The following TRPC3 variants were observed in gnomAD, a reference collection of about 807,000 sequenced individuals.
TRPC3 encodes transient receptor potential cation channel subfamily C member 3, also known as short transient receptor potential channel 3.
A neutral mutation model predicts 90.9 loss-of-function variants in TRPC3; 54 were observed. That is an observed-to-expected ratio of 0.59 (90% confidence interval 0.48 to 0.75). The LOEUF (loss-of-function observed/expected upper bound fraction) is 0.75. TRPC3 is among the 30% of genes least tolerant of loss of function. The probability of loss-of-function intolerance (pLI) is 0.00; values close to 1 mark genes in which losing one functional copy is unlikely to be tolerated. For synonymous variants in TRPC3, 424 were observed against 450.9 expected (o/e 0.94, Z 0.75); for missense variants, 918 against 1,194.5 (o/e 0.77, Z 3.41).
At chr4:121,889,874 A>G (rs780003320) in intron 10 of TRPC3, among the ~76,000 whole-genome samples, 11 of 152,226 alleles carry the variant, frequency 7.2e-5, no homozygotes, top group African/African-American at 1.4e-4. Context: ...TCCCATGTTT[A>G]CTGCAGCACT....
chr4:121,932,177 C>T lies in TRPC3; in HGVS notation c.987+94G>A. On this transcript the variant is annotated intron_variant, in intron 2 of 11. Transcript: ENST00000379645. This position sits in a 1 kb window ranked among gnomAD's most constrained non-coding sequence, Gnocchi z 7.7. ...GTGATTTCACATTCACTGGGCAAAA[C>T]CGAATGTGGAGCGAACGGTGGCAGA... is the stretch of plus-strand genomic sequence containing the variant. 1 of 1,535,510 alleles carries T rather than the reference C, an allele frequency of 6.5e-7. No individual in the cohort carries two copies. The highest frequency in any genetic ancestry group is 2.3e-5 in the East Asian group (1 of 43,990).
intron 2 of TRPC3, among the ~76,000 whole-genome samples, chr4:121,929,600 C>G (rs779090300): frequency 6.6e-6 from 1 of 152,034 alleles, no homozygotes; most frequent in Non-Finnish European, 1.5e-5. Context: ...AACCTGTCAC[C>G]GAGCTATCCT....
In TRPC3 at chr4:121,951,916, G is replaced by A. The variant is rs1031745315; in HGVS notation, c.-236C>T. On this transcript the variant is annotated 5_prime_UTR_variant, in exon 1 of 12. Transcript: ENST00000379645. This position sits in a 1 kb window ranked among gnomAD's most constrained non-coding sequence, Gnocchi z 4.4. ...ATCAAACCGTGGGAGCAGCTGCCGC[G>A]GCCGTGGCTGCGACGAGGAAGCCCG... 7.2e-5 allele frequency among the ~76,000 whole-genome samples: 11 copies of A among 152,178 alleles called. No individual in the cohort carries two copies. The highest frequency in any genetic ancestry group is 2.6e-4 in the African/African-American group (11 of 41,542).
intron 10 of TRPC3, among the ~76,000 whole-genome samples, chr4:121,882,692 T>C (rs1727984868): frequency 6.6e-6 from 1 of 152,166 alleles, no homozygotes; most frequent in African/African-American, 2.4e-5. Flanking sequence ...CTTGAAGATT[T>C]GAATTCATGG....
intron 1 of TRPC3, among the ~76,000 whole-genome samples, chr4:121,935,262 C>A (rs1159326292): frequency 6.6e-6 from 1 of 151,476 alleles, no homozygotes; most frequent in Non-Finnish European, 1.5e-5. Context: ...TATTAGAAAC[C>A]ATTACATTAT....
At chr4:121,941,279 A>G (rs1472020150) in intron 1 of TRPC3, among the ~76,000 whole-genome samples, 3 of 152,208 alleles carry the variant, frequency 2.0e-5, no homozygotes, top group Non-Finnish European at 4.4e-5. Context: ...AGATTAACCA[A>G]CTATTCAACC....
chr4:121,933,255 G>T, intron 1 of TRPC3: 1 of 1,029,960 alleles, frequency 9.7e-7, no homozygotes. Context: ...GAAGCCGGCA[G>T]CCCTTCAGAA....
Position 121,903,129 on chromosome 4 carries a change from G to C in TRPC3, c.2254-68C>G, listed in dbSNP as rs1728761191. On this transcript the variant is annotated intron_variant, in intron 8 of 11. Transcript: ENST00000379645. ...AATATTCTAGTGACTGTTGCTAATA[G>C]GTTTTTTACAATGAATCTAAGTTAC... is the stretch of plus-strand genomic sequence containing the variant. 7 of 1,401,428 alleles carry C rather than the reference G, an allele frequency of 5.0e-6. No individual in the cohort carries two copies. In the East Asian group the frequency reaches 1.7e-4, roughly 34 times the overall value. 86.8% of individuals were successfully genotyped at this position (1,401,428 alleles called of 1,614,324 possible). A position where few individuals can be genotyped will look rare whatever the true frequency, so the allele number is the denominator to read the frequency against.
intron 1 of TRPC3, among the ~76,000 whole-genome samples, chr4:121,935,359 T>A (rs1401842784): frequency 6.6e-6 from 1 of 151,182 alleles, no homozygotes; most frequent in African/African-American, 2.4e-5. Context: ...GTAGAGTGTA[T>A]GTGTGGTATG....
Position 121,925,103 on chromosome 4 carries a change from A to G in TRPC3, c.1091T>C (p.Leu364Pro). Residue 364 changes from leucine to proline, a missense_variant, in exon 3 of 12, where the codon CTG (leucine) becomes CCG (proline). Leu to Pro is a moderately conservative substitution (Grantham distance 98). Coordinates refer to ENST00000379645, the MANE Select transcript of TRPC3 (RefSeq NM_001130698.2). The stretch of plus-strand genomic sequence containing the variant: ...TACCTCCAGAGGCTCTGCTGATTCC[A>G]GATCTCCATTCAGAATGGCTTCTAC... ...EEVEAILNGD[L>P]ESAEPLEVHR... 6.2e-7 allele frequency: 1 copy of G among 1,614,136 alleles called. No homozygotes were observed. The highest frequency in any genetic ancestry group is 1.3e-5 in the African/African-American group (1 of 75,026).
Position 121,877,903 on chromosome 4 carries a change from G to C in TRPC3, c.*1833C>G, listed in dbSNP as rs989552795. Among the ~76,000 whole-genome samples the C allele has an allele frequency of 4.6e-5, 7 of 151,694 alleles. No individual in the cohort carries two copies. The highest frequency in any genetic ancestry group is 7.3e-5 in the African/African-American group (3 of 41,230). ...AGGCTGAATGTCCCCAGCTGAATCTGCCACTTTTTCATTCAACATTTTTTC... is the reference window on the plus strand; with the variant it reads ...AGGCTGAATGTCCCCAGCTGAATCTCCCACTTTTTCATTCAACATTTTTTC... On this transcript the variant is annotated 3_prime_UTR_variant, in exon 12 of 12. Transcript: ENST00000379645.
rs1727795405 is a variant in TRPC3 at position 121,877,495 on chromosome 4, C to G, written c.*2241G>C. On this transcript the variant is annotated 3_prime_UTR_variant, in exon 12 of 12. Transcript: ENST00000379645. ...CGGAGGCATCACATCCCGAGCAAGG[C>G]TTCTTCTTTTTAGCTGAGGGCAATT... 6.6e-6 allele frequency among the ~76,000 whole-genome samples: 1 copy of G among 152,084 alleles called. No homozygotes were observed. The highest frequency in any genetic ancestry group is 2.4e-5 in the African/African-American group (1 of 41,406).
rs1730739257 is a variant in TRPC3 at position 121,951,370 on chromosome 4, C to G, written c.215+96G>C. ...GCCGTACCATGTGGGTCTCGGAGGT[C>G]CCGGGCTCGACGTGGAGCCGCCCGG... On this transcript the variant is annotated intron_variant, in intron 1 of 11. Transcript: ENST00000379645. This position sits in a 1 kb window ranked among gnomAD's most constrained non-coding sequence, Gnocchi z 4.4. 1.2e-6 allele frequency: 1 copy of G among 822,634 alleles called. No individual in the cohort carries two copies. The highest frequency in any genetic ancestry group is 1.5e-6 in the Non-Finnish European group (1 of 649,382). The allele number at this position is 822,634 out of a possible 1,614,324, so 51.0% of individuals were successfully genotyped here. A position where few individuals can be genotyped will look rare whatever the true frequency, so the allele number is the denominator to read the frequency against.
rs528746833 is a variant in TRPC3 at position 121,878,626 on chromosome 4, A to T, written c.*1110T>A. Among the ~76,000 whole-genome samples the T allele has an allele frequency of 6.6e-6, 1 of 152,350 alleles. No homozygotes were observed. The highest frequency in any genetic ancestry group is 2.4e-5 in the African/African-American group (1 of 41,582). ...TACCAGCATTCAGCACAATTATGTA[A>T]TAAGGCATATGTAGATATATCACAA... On this transcript the variant is annotated 3_prime_UTR_variant, in exon 12 of 12. Transcript: ENST00000379645.
intron 1 of TRPC3, among the ~76,000 whole-genome samples, chr4:121,939,869 A>T (rs1322065149): frequency 1.3e-5 from 2 of 152,202 alleles, no homozygotes; most frequent in Non-Finnish European, 2.9e-5. Context: ...AGACCAGAAG[A>T]GTTAGAGGAC....
intron 3 of TRPC3, among the ~76,000 whole-genome samples, chr4:121,921,476 C>T (rs1008936807): frequency 2.2e-5 from 3 of 137,446 alleles, no homozygotes; most frequent in African/African-American, 5.5e-5. Context: ...GAGCCGAGAT[C>T]GCGCCACTGC....
intron 3 of TRPC3, among the ~76,000 whole-genome samples, chr4:121,919,953 G>A (rs1237964315): frequency 6.6e-6 from 1 of 152,134 alleles, no homozygotes; most frequent in Non-Finnish European, 1.5e-5. Flanking sequence ...GTGGGGAGTG[G>A]ATTAATGTTC....
chr4:121,948,400 T>C (rs1730566609), intron 1 of TRPC3, among the ~76,000 whole-genome samples: 1 of 151,510 alleles, frequency 6.6e-6, no homozygotes, highest in African/African-American at 2.4e-5. Context: ...CCCCTTTCCA[T>C]TCCACCAACA....
chr4:121,905,536 A>C (rs1301454381), intron 7 of TRPC3, among the ~76,000 whole-genome samples: 1 of 152,196 alleles, frequency 6.6e-6, no homozygotes, highest in African/African-American at 2.4e-5. Flanking sequence ...GTTTTGTCAC[A>C]GAACCAAATT....
Sources: gnomAD v4.1 joint callset for allele counts (sites outside exome capture counted in the v4.1 genomes callset) on GRCh38, gnomAD v4.1.1 for gene constraint, Gnocchi (gnomAD v3.1) non-coding constraint, MANE v1.5 for transcripts, NCBI Gene and HGNC (gene_info 2026-07-23, HGNC 2026-07-21) for gene names.